ABCA4: variants seen among roughly 807,000 people sequenced by gnomAD.
ABCA4 encodes ATP binding cassette subfamily A member 4.
A neutral mutation model predicts 263.7 loss-of-function variants in ABCA4; 196 were observed. That is an observed-to-expected ratio of 0.74 (90% CI 0.66 to 0.84). The LOEUF (loss-of-function observed/expected upper bound fraction) is 0.84, where lower values mean the gene tolerates loss of function less well. Ranked by LOEUF, ABCA4 falls within the 40% of genes least tolerant of loss-of-function variation. The probability of loss-of-function intolerance (pLI) is 0.00; values close to 1 mark genes in which losing one functional copy is unlikely to be tolerated. For missense variants in ABCA4, 2,792 were observed against 2,855.1 expected, an observed-to-expected ratio of 0.98 and a Z score of 0.50; for synonymous variants, 1,133 against 1,094.2, an observed-to-expected ratio of 1.04 and a Z score of -0.70.
rs80303067 is a variant in ABCA4, at chr1:94,090,462, T to C, written c.769-7021A>G. 7.0e-3 allele frequency among the ~76,000 whole-genome samples: 1,063 copies of C among 152,078 alleles called. 12 individuals are homozygous for C. Among genetic ancestry groups the C allele is most frequent in the African/African-American group, 0.023 (971 of 41,466 alleles). ...CACTTTGAGGACTAATGGATCAAAA[T>C]GACCAACCCACCCTGTCTCACCCCA... On this transcript the variant is annotated intron_variant, in intron 6 of 49. Transcript: ENST00000370225.
chr1:94,019,167 AG>A (rs1659825273), intron 36 of ABCA4, among the ~76,000 whole-genome samples: 2 of 151,726 alleles, frequency 1.3e-5, no homozygotes, highest in South Asian at 4.2e-4. Flanking sequence ...CCACAGGGAA[AG>A]TTTTACCTTT....
In ABCA4 at chr1:94,055,091, C is replaced by A. The variant is rs189669138; in HGVS notation, c.2587+20G>T. Reference sequence around the variant, plus strand: ...TCTGAAGAACTCAATTACCTTTACCCTATAGAGGAGGATGCTTACCTGGAA... The same window carrying A: ...TCTGAAGAACTCAATTACCTTTACCATATAGAGGAGGATGCTTACCTGGAA... On this transcript the variant is annotated intron_variant, in intron 16 of 49. Transcript: ENST00000370225. The A allele has an allele frequency of 9.9e-6, 16 of 1,609,862 alleles. No homozygotes were observed. The highest frequency in any genetic ancestry group is 1.7e-4 in the Middle Eastern group (1 of 6,052).
chr1:94,028,224 A>G (rs759994934), intron 30 of ABCA4, among the ~76,000 whole-genome samples: 2 of 152,194 alleles, frequency 1.3e-5, no homozygotes, highest in Non-Finnish European at 2.9e-5. Flanking sequence ...CAGTTTATTC[A>G]TTGACAAATC....
At chr1:94,089,446 C>G (rs904276927) in intron 6 of ABCA4, among the ~76,000 whole-genome samples, 1 of 151,776 alleles carries the variant, frequency 6.6e-6, no homozygotes, top group African/African-American at 2.4e-5. Flanking sequence ...TGATATAAAC[C>G]AGAATTAAGT....
chr1:94,020,840 C>G (rs562978490), intron 35 of ABCA4, among the ~76,000 whole-genome samples: 1 of 152,368 alleles, frequency 6.6e-6, no homozygotes, highest in East Asian at 1.9e-4. Flanking sequence ...CTGTCGACAT[C>G]TCCAAAGTAT....
chr1:94,121,137 G>A lies in ABCA4; in HGVS notation c.-92C>T, dbSNP rs200102393. 2,336 of 1,140,828 alleles carry A rather than the reference G, an allele frequency of 2.0e-3. 2 individuals carry two copies. The highest frequency in any genetic ancestry group is 2.3e-3 in the Non-Finnish European group (1,751 of 749,538). 70.7% of individuals were successfully genotyped at this position (1,140,828 alleles called of 1,614,324 possible). ...GCCGTTAAGAGCGCCTCTGGCTCCG[G>A]ACGCTGTGTCCTTCTCCTGGTGATT... On this transcript the variant is annotated 5_prime_UTR_variant, in exon 1 of 50. Coordinates refer to ENST00000370225, the MANE Select transcript of ABCA4 (RefSeq NM_000350.3).
chr1:94,027,326 A>C (rs1660069784), intron 30 of ABCA4, among the ~76,000 whole-genome samples: 1 of 152,216 alleles, frequency 6.6e-6, no homozygotes, highest in Non-Finnish European at 1.5e-5. Flanking sequence ...TAGGAAATGA[A>C]ACACCATGTA....
At chr1:94,041,437 G>A (rs1660485770) in intron 22 of ABCA4, 35 bp from the exon 23 acceptor site, 1 of 1,610,350 alleles carries the variant, frequency 6.2e-7, no homozygotes, top group African/African-American at 1.3e-5. Flanking sequence ...CACCAGGCCT[G>A]CCCTGGGTTG....
At position 94,060,695 on chromosome 1, in the gene ABCA4, A is replaced by G. The variant is rs1243342093; in HGVS notation, c.2002T>C (p.Ser668Pro). Residue 668 changes from serine (S) to proline (P), a missense_variant, in exon 14 of 50, where the codon TCC becomes CCC. Physicochemically the swap from Ser to Pro is moderately conservative, Grantham distance 74. Transcript: ENST00000370225. ...AAGACGATGCTCTTCACAGTCATGG[A>G]GACAGAGTAGATCCATGCCAGCACC... ...FMVLAWIYSV[S>P]MTVKSIVLEK... 1.2e-6 allele frequency: 2 copies of G among 1,614,018 alleles called. No homozygotes were observed. The highest frequency in any genetic ancestry group is 1.7e-6 in the Non-Finnish European group (2 of 1,180,024).
At chr1:94,045,859 C>T (rs763003887) in intron 19 of ABCA4, 3 of 456,160 alleles carry the variant, frequency 6.6e-6, no homozygotes, top group South Asian at 3.1e-5. Context: ...TTCGCTGCCC[C>T]CTGCGAGGTC....
chr1:94,111,369 C>A (rs539343780), intron 3 of ABCA4, 69 bp downstream of exon 3: 24 of 1,579,044 alleles, frequency 1.5e-5, no homozygotes, highest in Non-Finnish European at 2.1e-5. Context: ...CGTGCACGCA[C>A]GTGTGCATTT....
chr1:94,077,946 T>C (rs769673721), intron 10 of ABCA4, 59 bp from the exon 11 acceptor site: 580 of 1,531,702 alleles, frequency 3.8e-4, no homozygotes, highest in Non-Finnish European at 4.7e-4. Context: ...ATCTTTGGTC[T>C]TGTTCTTCAG....
chr1:94,043,535 T>A (rs1213517758), intron 20 of ABCA4, 60 bp from the exon 21 acceptor site: 6 of 1,605,738 alleles, frequency 3.7e-6, no homozygotes, highest in Non-Finnish European at 5.1e-6. Context: ...CAGCAGCTGA[T>A]CTTACAGAAA....
In ABCA4 at chr1:94,029,465, C is replaced by A. The variant is rs568792949; in HGVS notation, c.4519G>T (p.Gly1507Trp). The change falls in exon 30 of 50, where the codon GGG becomes TGG. Residue 1507 changes from glycine to tryptophan, a missense_variant. Transcript: ENST00000370225. ...TMLPECPEGA[G>W]GLPPPQRTQR... ...GGTACCTGGGGGGGCGGGAGGCCCC[C>A]GGCACCCTCGGGGCACTCTGGCAGC... The A allele has an allele frequency of 4.5e-6, 7 of 1,561,380 alleles. No individual in the cohort carries two copies. The highest frequency in any genetic ancestry group is 5.2e-6 in the Non-Finnish European group (6 of 1,151,640).
At chr1:94,107,612 G>A (rs1662474964) in intron 4 of ABCA4, among the ~76,000 whole-genome samples, 1 of 152,164 alleles carries the variant, frequency 6.6e-6, no homozygotes, top group Non-Finnish European at 1.5e-5. Context: ...CTGACTCCAG[G>A]TGGCTCCCAC....
chr1:94,100,100 G>T (rs1364321397), intron 5 of ABCA4, among the ~76,000 whole-genome samples: 1 of 152,176 alleles, frequency 6.6e-6, no homozygotes, highest in Non-Finnish European at 1.5e-5. Context: ...CTGGAGGGCA[G>T]AACAGGCCTG....
At position 94,062,595 on chromosome 1, in the gene ABCA4, G is replaced by T. The variant is rs760790294; in HGVS notation, c.1919C>A (p.Pro640His). ...VGIYLQQMPYPCFVDDSFMII... is the reference protein window; with the variant it reads ...VGIYLQQMPYHCFVDDSFMII... ...GACTCACGAATCGTCCACGAAGCAG[G>T]GGTAGGGCATCTGCTGGAGGTAGAT... The change falls in exon 13 of 50, where the codon CCC becomes CAC. Residue 640 changes from proline to histidine, a missense_variant. Transcript: ENST00000370225. 1 of 1,614,190 alleles carries T rather than the reference G, an allele frequency of 6.2e-7. No individual in the cohort carries two copies. The highest frequency in any genetic ancestry group is 1.1e-5 in the South Asian group (1 of 91,090).
rs528115181 is a variant in ABCA4 at position 94,111,228 on chromosome 1, G to A, written c.302+210C>T. 5.3e-5 allele frequency among the ~76,000 whole-genome samples: 8 copies of A among 152,344 alleles called. No homozygotes were observed. The East Asian group carries it at 1.2e-3, about 22-fold the overall frequency. On this transcript the variant is annotated intron_variant, in intron 3 of 49. Coordinates refer to ENST00000370225, the MANE Select transcript of ABCA4 (RefSeq NM_000350.3). The stretch of plus-strand genomic sequence containing the variant: ...ATAAGGACCAAGAAATTTTGTGCAC[G>A]TGGCCTTAGCTTGGAGATTTCTCCC...
Position 94,055,067 on chromosome 1 carries a change from C to T in ABCA4, c.2587+44G>A, listed in dbSNP as rs758812734. On this transcript the variant is annotated intron_variant, in intron 16 of 49. Coordinates refer to ENST00000370225, the MANE Select transcript of ABCA4 (RefSeq NM_000350.3). ...TAGATGAATGGAGAGGGCTGGGGAT[C>T]TGAAGAACTCAATTACCTTTACCCT... is the stretch of plus-strand genomic sequence containing the variant. 2.6e-6 allele frequency: 4 copies of T among 1,551,458 alleles called. No individual in the cohort carries two copies. The Admixed American group carries it at 6.7e-5, about 26-fold the overall frequency.
Sources: gnomAD v4.1 joint callset for allele counts (sites outside exome capture counted in the v4.1 genomes callset) on GRCh38, gnomAD v4.1.1 for gene constraint, MANE v1.5 for transcripts, NCBI Gene and HGNC (gene_info 2026-07-23, HGNC 2026-07-21) for gene names.